The following CSNK1A1 variants were observed in gnomAD, a reference collection of about 807,000 sequenced individuals.
CSNK1A1 encodes the protein casein kinase I isoform alpha.
In CSNK1A1, 7 loss-of-function variants were observed where a neutral mutation model predicts 46.1. That is an observed-to-expected ratio of 0.15 (90% CI 0.09 to 0.29). The LOEUF (loss-of-function observed/expected upper bound fraction) is 0.29. Ranked by LOEUF, CSNK1A1 falls within the 10% of genes least tolerant of loss-of-function variation. CSNK1A1 has a pLI of 1.00. For missense variants in CSNK1A1, 96 were observed against 417.1 expected, an observed-to-expected ratio of 0.23 and a Z score of 6.71; for synonymous variants, 137 against 141.5, an observed-to-expected ratio of 0.97 and a Z score of 0.23.
intron 7 of CSNK1A1, among the ~76,000 whole-genome samples, chr5:149,508,209 T>C (rs766174983): frequency 3.3e-5 from 5 of 152,216 alleles, no homozygotes; most frequent in Non-Finnish European, 4.4e-5. Flanking sequence ...AGAATGGAAA[T>C]GCTTGCAACA....
intron 2 of CSNK1A1, among the ~76,000 whole-genome samples, chr5:149,548,924 T>G (rs1762568901): frequency 6.6e-6 from 1 of 152,266 alleles, no homozygotes; most frequent in Admixed American, 6.5e-5. Flanking sequence ...AATGTTATTT[T>G]AGATTATTGC....
chr5:149,498,613 A>G, intron 9 of CSNK1A1: 1 of 954,332 alleles, frequency 1.0e-6, no homozygotes, highest in Non-Finnish European at 1.2e-6. Context: ...AAACAGGATT[A>G]AACAGAATTC....
intron 5 of CSNK1A1, 34 bp from the exon 6 acceptor site, chr5:149,511,906 C>A: frequency 6.7e-7 from 1 of 1,488,354 alleles, no homozygotes; most frequent in Non-Finnish European, 9.3e-7. Context: ...TAAACTGGAA[C>A]TATTATTATG....
chr5:149,550,046 C>T lies in CSNK1A1; in HGVS notation c.230+29G>A, dbSNP rs780540503. On this transcript the variant is annotated intron_variant, in intron 2 of 9. Coordinates refer to ENST00000377843, the MANE Select transcript of CSNK1A1 (RefSeq NM_001892.6). This position sits in a 1 kb window ranked among gnomAD's most constrained non-coding sequence, Gnocchi z 4.3. ...CTTCCCCATTCCGTGCTTCCCTCAG[C>T]GGATCGCCTATATGCACCGGGTTCT... The T allele has an allele frequency of 6.9e-6, 11 of 1,604,096 alleles. No individual in the cohort carries two copies. The Admixed American group carries it at 1.7e-4, about 25-fold the overall frequency.
chr5:149,531,995 T>G (rs182410139), intron 2 of CSNK1A1, among the ~76,000 whole-genome samples: 153 of 152,234 alleles, frequency 1.0e-3, no homozygotes, highest in African/African-American at 3.5e-3. Flanking sequence ...GAGATTCTCA[T>G]GCCTCATCCA....
Position 149,517,923 on chromosome 5 carries a change from A to T in CSNK1A1, c.456+2367T>A. 8.0e-7 allele frequency: 1 copy of T among 1,243,840 alleles called. No individual in the cohort carries two copies. The highest frequency in any genetic ancestry group is 1.2e-6 in the Non-Finnish European group (1 of 860,146). The allele number at this position is 1,243,840 out of a possible 1,614,324, so 77.1% of individuals were successfully genotyped here. A position where few individuals can be genotyped will look rare whatever the true frequency, so the allele number is the denominator to read the frequency against. On this transcript the variant is annotated intron_variant, in intron 4 of 9. Coordinates refer to ENST00000377843, the MANE Select transcript of CSNK1A1 (RefSeq NM_001892.6). This position sits in a 1 kb window ranked among gnomAD's most constrained non-coding sequence, Gnocchi z 4.4. ...GGCAGTGCATCAAACAGTATTGCTT[A>T]CATTGCAACAATGGCCGGCGCAGAC...
At position 149,499,869 on chromosome 5, in the gene CSNK1A1, GACA is replaced by G. The variant is rs776186628; in HGVS notation, c.1007-3012_1007-3010del. ...TATTTAGGATCCCTTCAAGCTACAA[GACA>G]ACTTTTTAAAAGTTATTTTGAATAT... is the stretch of plus-strand genomic sequence containing the variant. On this transcript the variant is annotated intron_variant, in intron 9 of 9. Transcript: ENST00000377843. Among the ~76,000 whole-genome samples the G allele has an allele frequency of 4.0e-5, 6 of 151,718 alleles. No individual in the cohort carries two copies. The East Asian group carries it at 1.2e-3, about 29-fold the overall frequency.
intron 4 of CSNK1A1, among the ~76,000 whole-genome samples, chr5:149,513,669 G>A (rs1277750504): frequency 6.6e-6 from 1 of 152,128 alleles, no homozygotes; most frequent in African/African-American, 2.4e-5. Context: ...GGAGGCTGAG[G>A]CAGGCGGATA....
intron 3 of CSNK1A1, 123 bp from the exon 4 acceptor site, chr5:149,520,511 T>A: frequency 4.1e-5 from 22 of 538,380 alleles, no homozygotes; most frequent in Non-Finnish European, 5.9e-5. Flanking sequence ...GAAAATGAAA[T>A]GGAAAGGACA....
intron 9 of CSNK1A1, chr5:149,504,223 A>C: frequency 1.0e-6 from 1 of 985,466 alleles, no homozygotes; most frequent in Non-Finnish European, 1.2e-6. Flanking sequence ...TCAACTTTGA[A>C]TCCTTCCCAA....
At position 149,505,463 on chromosome 5, in the gene CSNK1A1, G is replaced by C. The variant is rs1434560251; in HGVS notation, c.990C>G (p.Thr330=). Residue 330 remains threonine, a synonymous_variant, in exon 9 of 10, where the codon ACC becomes ACG. Coordinates refer to ENST00000377843, the MANE Select transcript of CSNK1A1 (RefSeq NM_001892.6). ...QTPTGKQTDK[T]KSNMKGF is the part of the protein sequence containing the mutation. Reference sequence around the variant, plus strand: ...GCTACTAACCTTTCATGTTACTCTTGGTTTTGTCAGTTTGCTTGCCTGTGG... The same window carrying C: ...GCTACTAACCTTTCATGTTACTCTTCGTTTTGTCAGTTTGCTTGCCTGTGG... 2 of 1,613,856 alleles carry C rather than the reference G, an allele frequency of 1.2e-6. No individual in the cohort carries two copies. The highest frequency in any genetic ancestry group is 1.7e-6 in the Non-Finnish European group (2 of 1,179,930).
chr5:149,544,415 C>T (rs981694535), intron 2 of CSNK1A1, among the ~76,000 whole-genome samples: 3 of 151,914 alleles, frequency 2.0e-5, no homozygotes, highest in South Asian at 2.1e-4. Context: ...ATAATCCCAG[C>T]GCTTTGGGAG....
intron 4 of CSNK1A1, among the ~76,000 whole-genome samples, chr5:149,515,029 T>C (rs556982267): frequency 4.7e-4 from 71 of 152,276 alleles, no homozygotes; most frequent in Admixed American, 1.1e-3. Context: ...AATATTAAAA[T>C]GAGCAAAATA....
chr5:149,532,316 G>T (rs1408538430), intron 2 of CSNK1A1, among the ~76,000 whole-genome samples: 1 of 152,020 alleles, frequency 6.6e-6, no homozygotes, highest in South Asian at 2.1e-4. Flanking sequence ...GATTTCAGCC[G>T]GGCGGAGTGG....
chr5:149,550,644 C>T lies in CSNK1A1; in HGVS notation c.123+198G>A, dbSNP rs568296855. ...GTTTAACAAGGTGGGAAACTAGTTC[C>T]CCCAACCTTTCTATCGGGTTCTTGA... On this transcript the variant is annotated intron_variant, in intron 1 of 9. Transcript: ENST00000377843. The surrounding 1 kb of genome is among the most constrained non-coding windows in gnomAD (Gnocchi z 4.3). 1.4e-4 allele frequency among the ~76,000 whole-genome samples: 22 copies of T among 152,134 alleles called. No individual in the cohort carries two copies. The South Asian group carries it at 4.2e-3, about 29-fold the overall frequency.
At position 149,495,510 on chromosome 5, in the gene CSNK1A1, G is replaced by A. The variant is rs1306522996; in HGVS notation, c.*1343C>T. 1 of 152,198 alleles carries A rather than the reference G, an allele frequency of 6.6e-6. No individual in the cohort carries two copies. The highest frequency in any genetic ancestry group is 1.5e-5 in the Non-Finnish European group (1 of 68,048). The allele number at this position is 152,198 out of a possible 1,614,324, so 9.4% of individuals were successfully genotyped here. A position where few individuals can be genotyped will look rare whatever the true frequency, so the allele number is the denominator to read the frequency against. ...CGCACACAGATAACTTAAAGAAGCA[G>A]GAGGGGCTGGGGAGGGTCAACAATC... is the stretch of plus-strand genomic sequence containing the variant. On this transcript the variant is annotated 3_prime_UTR_variant, in exon 10 of 10. Transcript: ENST00000377843.
intron 6 of CSNK1A1, among the ~76,000 whole-genome samples, chr5:149,510,412 G>A (rs1421386166): frequency 2.0e-5 from 3 of 151,976 alleles, no homozygotes; most frequent in Non-Finnish European, 4.4e-5. Context: ...TGGGACTACA[G>A]GTGTGCATCA....
chr5:149,549,503 A>C, intron 2 of CSNK1A1: 1 of 702,296 alleles, frequency 1.4e-6, no homozygotes, highest in Non-Finnish European at 2.6e-6. Context: ...GGTTTAATCC[A>C]CTCGGGGCTG....
chr5:149,507,208 G>T, intron 7 of CSNK1A1, 75 bp from the exon 8 acceptor site: 1 of 1,135,594 alleles, frequency 8.8e-7, no homozygotes. Context: ...TTAAGTATAA[G>T]CAAAAAGATA....
Sources: gnomAD v4.1 joint callset for allele counts (sites outside exome capture counted in the v4.1 genomes callset) on GRCh38, gnomAD v4.1.1 for gene constraint, Gnocchi (gnomAD v3.1) non-coding constraint, MANE v1.5 for transcripts, NCBI Gene and HGNC (gene_info 2026-07-23, HGNC 2026-07-21) for gene names.